SNRPN: variants seen among roughly 807,000 people sequenced by gnomAD.
The protein encoded by SNRPN is small nuclear ribonucleoprotein-associated protein N.
Under a neutral mutation model 25.2 loss-of-function variants are expected in SNRPN, and 7 were observed. The observed-to-expected ratio is 0.28, with a 90% CI of 0.16 to 0.52. SNRPN has a LOEUF of 0.52. Ranked by LOEUF, SNRPN falls within the 20% of genes least tolerant of loss-of-function variation. SNRPN has a pLI of 0.96. For synonymous variants in SNRPN, 124 were observed against 110.6 expected (o/e 1.12, Z -0.76); for missense variants, 196 against 322.5 (o/e 0.61, Z 3.00).
At position 24,940,387 on chromosome 15, in the gene SNRPN, T is replaced by G. The variant is rs112712460; in HGVS notation, c.-391+20263T>G. Among the ~76,000 whole-genome samples, 283 of 152,324 alleles carry G rather than the reference T, an allele frequency of 1.9e-3. 2 individuals are homozygous for G. The highest frequency in any genetic ancestry group is 6.5e-3 in the African/African-American group (271 of 41,574). On this transcript the variant is annotated intron_variant, in intron 3 of 11. Transcript: ENST00000400097. ...ATTTCAAGTTCATTTTTGTATATGA[T>G]GTAAGGAAAGGGTCCAACTTCATTC... is the stretch of plus-strand genomic sequence containing the variant.
At chr15:24,967,851 G>T in intron 2 of SNRPN, 81 bp from the exon 3 acceptor site, 1 of 1,129,654 alleles carries the variant, frequency 8.9e-7, no homozygotes, top group Non-Finnish European at 1.3e-6. Flanking sequence ...TAAATGTAAG[G>T]GTACCTAGTT....
At chr15:24,835,853 CAG>C (rs772617587) in intron 2 of SNRPN, among the ~76,000 whole-genome samples, 1 of 152,018 alleles carries the variant, frequency 6.6e-6, no homozygotes, top group Non-Finnish European at 1.5e-5. Flanking sequence ...TTAAGAGAGA[CAG>C]GGTCTCGCTT....
At chr15:24,864,135 TCCTG>T (rs1404184652) in intron 1 of SNRPN, among the ~76,000 whole-genome samples, 1 of 148,630 alleles carries the variant, frequency 6.7e-6, no homozygotes, top group Non-Finnish European at 1.5e-5. Flanking sequence ...CACACTATTC[TCCTG>T]CCTCAGCCTC....
intron 3 of SNRPN, among the ~76,000 whole-genome samples, chr15:24,971,557 AATAAT>A (rs1426489999): frequency 6.6e-6 from 1 of 151,676 alleles, no homozygotes; most frequent in Non-Finnish European, 1.5e-5. Context: ...ATAAATATAA[AATAAT>A]AATCTGTCCC....
intron 4 of SNRPN, chr15:24,974,735 CTTTAT>C (rs1235870996): frequency 3.8e-5 from 23 of 607,054 alleles, no homozygotes; most frequent in Non-Finnish European, 6.7e-5. Context: ...GCCTCAGCCT[CTTTAT>C]TAGAAACAGG....
chr15:24,830,700 A>G (rs1229601548), intron 2 of SNRPN, among the ~76,000 whole-genome samples: 1 of 152,116 alleles, frequency 6.6e-6, no homozygotes, highest in African/African-American at 2.4e-5. Flanking sequence ...TATTATTTGG[A>G]AATGAATTAT....
In SNRPN at chr15:24,976,404, A is replaced by G. The variant is rs753186914; in HGVS notation, c.255A>G (p.Pro85=). The change falls in exon 6 of 10, where the codon CCA becomes CCG. Residue 85 remains proline (P), a synonymous_variant. Coordinates refer to ENST00000390687, the MANE Select transcript of SNRPN (RefSeq NM_003097.6). ...ENLVSMTVEG[P]PPKDTGIARV... Reference sequence around the variant, plus strand: ...TGGTATCCATGACTGTGGAGGGGCCACCCCCCAAAGATGTAAGGAAGATGT... The same window carrying G: ...TGGTATCCATGACTGTGGAGGGGCCGCCCCCCAAAGATGTAAGGAAGATGT... The G allele has an allele frequency of 1.9e-6, 3 of 1,608,868 alleles. No individual in the cohort carries two copies. The highest frequency in any genetic ancestry group is 1.7e-5 in the Admixed American group (1 of 59,192).
chr15:24,856,597 C>A (rs1323434742), exon 1 of SNRPN: 1 of 152,234 alleles, frequency 6.6e-6, no homozygotes, highest in Admixed American at 6.5e-5. Context: ...CAAGGCCAGC[C>A]GCCCCCTGTC....
At position 24,923,876 on chromosome 15, in the gene SNRPN, CGTGTATGTGTGT is replaced by C. The variant is rs1416367144; in HGVS notation, c.-391+3757_-391+3768del. Among the ~76,000 whole-genome samples, 359 of 107,042 alleles carry C rather than the reference CGTGTATGTGTGT, an allele frequency of 3.4e-3. 4 individuals carry two copies. The highest frequency in any genetic ancestry group is 0.012 in the African/African-American group (329 of 26,504). 70.2% of individuals were successfully genotyped at this position (107,042 alleles called of 152,430 possible). On this transcript the variant is annotated intron_variant, in intron 3 of 11. Coordinates refer to the SNRPN transcript ENST00000400097. ...TTTAGGATTTGTTTCTTTTTAGTGCCGTGTATGTGTGTGTGTGTGTGTGTGTGTGTGTGTGTG... is the reference window on the plus strand; with the variant it reads ...TTTAGGATTTGTTTCTTTTTAGTGCCGTGTGTGTGTGTGTGTGTGTGTGTG...
rs944251857 is a variant in SNRPN at position 24,956,267 on chromosome 15, T to TG, written c.-391+1210dup. 9.3e-5 allele frequency among the ~76,000 whole-genome samples: 14 copies of TG among 150,066 alleles called. No individual in the cohort carries two copies. The Admixed American group carries it at 9.4e-4, about 10-fold the overall frequency. On this transcript the variant is annotated intron_variant, in intron 1 of 9. Transcript: ENST00000390687. ...CTTGGAAGGCTATGTCGAAATAACCTGGGGGTCTGTGTTGCGTCACTGCCA... is the reference window on the plus strand; with the variant it reads ...CTTGGAAGGCTATGTCGAAATAACCTGGGGGGTCTGTGTTGCGTCACTGCCA...
intron 2 of SNRPN, chr15:24,909,504 G>A (rs1157462352): frequency 8.5e-6 from 13 of 1,531,386 alleles, no homozygotes; most frequent in East Asian, 2.2e-5. Flanking sequence ...AGAAGCCTGC[G>A]GGCCAGCGGC....
At chr15:24,824,857 A>AGGCT (rs2049966544) in intron 1 of SNRPN, among the ~76,000 whole-genome samples, 1 of 152,110 alleles carries the variant, frequency 6.6e-6, no homozygotes, top group Non-Finnish European at 1.5e-5. Context: ...TCCAAAAAGC[A>AGGCT]GGCTAGGAAT....
At chr15:24,935,625 T>C (rs746584193) in intron 3 of SNRPN, among the ~76,000 whole-genome samples, 6 of 152,186 alleles carry the variant, frequency 3.9e-5, no homozygotes, top group Non-Finnish European at 7.3e-5. Context: ...CTGGAGGTCA[T>C]TTGCTTTAAA....
At chr15:24,956,721 T>C (rs1489540437) in intron 1 of SNRPN, among the ~76,000 whole-genome samples, 1 of 152,124 alleles carries the variant, frequency 6.6e-6, no homozygotes, top group African/African-American at 2.4e-5. Flanking sequence ...GGGAGATGGG[T>C]TGGCGCAGGC....
chr15:24,865,924 T>C (rs2054532322), intron 1 of SNRPN, among the ~76,000 whole-genome samples: 1 of 152,126 alleles, frequency 6.6e-6, no homozygotes, highest in Non-Finnish European at 1.5e-5. Flanking sequence ...GTTCAGTCAG[T>C]TGGGGGGCTT....
At chr15:24,977,716 T>C in intron 7 of SNRPN, 62 bp from the exon 8 acceptor site, 2 of 1,457,734 alleles carry the variant, frequency 1.4e-6, no homozygotes, top group Middle Eastern at 3.6e-4. Flanking sequence ...TCATTTATTT[T>C]CTGTGTTTGA....
At position 24,967,685 on chromosome 15, in the gene SNRPN, G is replaced by A. The variant is rs183425416; in HGVS notation, c.-294-247G>A. Among the ~76,000 whole-genome samples, 63 of 151,092 alleles carry A rather than the reference G, an allele frequency of 4.2e-4. 1 individual carries two copies. The highest frequency in any genetic ancestry group is 1.4e-3 in the African/African-American group (57 of 41,186). On this transcript the variant is annotated intron_variant, in intron 2 of 9. Transcript: ENST00000390687. ...TAGCTGGGTGTGGTGGTAGGTGCCT[G>A]TAATCCCAGCTACTTGGGAGGCTGA... is the stretch of plus-strand genomic sequence containing the variant.
At chr15:24,837,428 CT>C (rs1323569009) in intron 2 of SNRPN, among the ~76,000 whole-genome samples, 1 of 148,764 alleles carries the variant, frequency 6.7e-6, no homozygotes, top group Non-Finnish European at 1.5e-5. Context: ...AGTGCAGTGG[CT>C]GCGATCTTGG....
upstream of SNRPN, among the ~76,000 whole-genome samples, chr15:24,952,366 T>C (rs1034398993): frequency 6.6e-6 from 1 of 152,190 alleles, no homozygotes; most frequent in Non-Finnish European, 1.5e-5. Context: ...GGGATAAATG[T>C]AGACTTTGGG....
Sources: allele counts gnomAD v4.1 joint callset (sites outside exome capture counted in the v4.1 genomes callset), GRCh38; gene constraint gnomAD v4.1.1; transcripts MANE v1.5; gene names NCBI Gene and HGNC (gene_info 2026-07-23, HGNC 2026-07-21).